Variants in ARHGEF7 observed in about 807,000 individuals in gnomAD.
The protein encoded by ARHGEF7 is PAK-interacting exchange factor beta.
ARHGEF7 carries 33 observed loss-of-function variants against 109.8 expected under a neutral mutation model. The ratio of observed to expected loss-of-function variants is 0.30; its 90% CI spans 0.23 to 0.40. The LOEUF (loss-of-function observed/expected upper bound fraction) is 0.40. Ranked by LOEUF, ARHGEF7 falls within the 10% of genes least tolerant of loss-of-function variation. ARHGEF7 has a pLI of 1.00. For synonymous variants in ARHGEF7, 458 were observed against 424.6 expected (o/e 1.08, Z -0.97); for missense variants, 938 against 1,098.5 (o/e 0.85, Z 2.07).
rs550032489 is a variant in ARHGEF7 at position 111,155,691 on chromosome 13, G to C, written c.252+1700G>C. ...TATATTATCCTCTTGAAACTACTGA[G>C]TTTTGTTTACGTTAACATACTTTTG... On this transcript the variant is annotated intron_variant, in intron 2 of 21. Coordinates refer to ENST00000646102, the MANE Select transcript of ARHGEF7 (RefSeq NM_001354046.2). Among the ~76,000 whole-genome samples the C allele has an allele frequency of 2.6e-5, 4 of 152,250 alleles. No homozygotes were observed. In the South Asian group the frequency reaches 8.3e-4, roughly 32 times the overall value.
chr13:111,211,164 C>G lies in ARHGEF7; in HGVS notation c.468+1162C>G, dbSNP rs959681952. On this transcript the variant is annotated intron_variant, in intron 4 of 21. Transcript: ENST00000646102. The stretch of plus-strand genomic sequence containing the variant: ...AGTGCTGCAGTCCTCACAGCAGCCC[C>G]GAGAGGCCTGGCTGTTGCTGTTTCC... Among the ~76,000 whole-genome samples the G allele has an allele frequency of 2.0e-5, 3 of 152,266 alleles. No homozygotes were observed. In the East Asian group the frequency reaches 5.8e-4, roughly 29 times the overall value.
chr13:111,294,064 T>A, intron 19 of ARHGEF7: 2 of 985,446 alleles, frequency 2.0e-6, no homozygotes, highest in Non-Finnish European at 2.4e-6. Flanking sequence ...TGTATTTTCA[T>A]ACCAATTAGT....
intron 2 of ARHGEF7, among the ~76,000 whole-genome samples, chr13:111,154,667 T>C (rs2076164959): frequency 6.6e-6 from 1 of 152,230 alleles, no homozygotes; most frequent in Admixed American, 6.5e-5. Context: ...TACTAAACAT[T>C]GTCTTTTCAG....
intron 9 of ARHGEF7, among the ~76,000 whole-genome samples, chr13:111,270,736 T>C (rs1595392199): frequency 6.6e-6 from 1 of 152,248 alleles, no homozygotes; most frequent in South Asian, 2.1e-4. Context: ...AAGGTACTTA[T>C]GTGGATTACA....
intron 2 of ARHGEF7, among the ~76,000 whole-genome samples, chr13:111,189,560 G>T (rs1316192475): frequency 1.3e-5 from 2 of 151,934 alleles, no homozygotes; most frequent in Non-Finnish European, 2.9e-5. Context: ...AGGACCCAAA[G>T]AATGAGCAGC....
At position 111,280,671 on chromosome 13, in the gene ARHGEF7, T is replaced by G. The variant is rs755135076; in HGVS notation, c.1719T>G (p.Ser573=). 1.9e-6 allele frequency: 3 copies of G among 1,582,808 alleles called. No individual in the cohort carries two copies. The highest frequency in any genetic ancestry group is 2.6e-6 in the Non-Finnish European group (3 of 1,166,094). The change falls in exon 15 of 22, where the codon TCT becomes TCG. Residue 573 remains serine (S), a synonymous_variant. Transcript: ENST00000646102. ...CCATAAAGCCTCATTCAGTGCCATC[T>G]CATACCGTAAGGACTTGGTGCTTCT... ...NPTIKPHSVP[S]HTLPSHPVTP...
chr13:111,176,940 A>C (rs946256113), intron 2 of ARHGEF7, among the ~76,000 whole-genome samples: 1 of 152,222 alleles, frequency 6.6e-6, no homozygotes, highest in East Asian at 1.9e-4. Context: ...TATTTTTAAT[A>C]GAGACGGGGC....
At chr13:111,220,649 G>GC (rs1194720278) in intron 5 of ARHGEF7, among the ~76,000 whole-genome samples, 1 of 152,122 alleles carries the variant, frequency 6.6e-6, no homozygotes, top group Non-Finnish European at 1.5e-5. Context: ...GGCATCGTGA[G>GC]CCCCCGCTTT....
intron 21 of ARHGEF7, among the ~76,000 whole-genome samples, chr13:111,302,515 A>G (rs1037676939): frequency 6.6e-6 from 1 of 152,126 alleles, no homozygotes. Context: ...CTTTGCCCCT[A>G]CCGGCAGCAG....
chr13:111,270,471 A>G (rs1163108033), intron 9 of ARHGEF7, among the ~76,000 whole-genome samples: 1 of 152,070 alleles, frequency 6.6e-6, no homozygotes, highest in Non-Finnish European at 1.5e-5. Flanking sequence ...ACAAACATTT[A>G]TAAAATTTCA....
intron 12 of ARHGEF7, among the ~76,000 whole-genome samples, 187 bp from the exon 13 acceptor site, chr13:111,277,400 A>G (rs2092551162): frequency 6.6e-6 from 1 of 152,214 alleles, no homozygotes; most frequent in Non-Finnish European, 1.5e-5. Context: ...ATATGTTAAG[A>G]CTTAATACAG....
chr13:111,246,158 G>C (rs937792704), intron 8 of ARHGEF7, among the ~76,000 whole-genome samples: 2 of 152,222 alleles, frequency 1.3e-5, no homozygotes, highest in Non-Finnish European at 2.9e-5. Context: ...AGGTGACTTA[G>C]AACAGTAGTG....
At chr13:111,143,642 CTTGAG>C (rs763384569) in intron 1 of ARHGEF7, 1 of 152,210 alleles carries the variant, frequency 6.6e-6, no homozygotes, top group African/African-American at 2.4e-5. Flanking sequence ...CCAGACTCAA[CTTGAG>C]TTGTCTTATG....
At chr13:111,296,141 T>C (rs953880075) in intron 19 of ARHGEF7, among the ~76,000 whole-genome samples, 4 of 152,024 alleles carry the variant, frequency 2.6e-5, no homozygotes, top group African/African-American at 4.8e-5. Flanking sequence ...TGATCAGCAC[T>C]GTGTTGCTGC....
At chr13:111,157,861 C>T (rs976292534) in intron 2 of ARHGEF7, among the ~76,000 whole-genome samples, 3 of 152,146 alleles carry the variant, frequency 2.0e-5, no homozygotes, top group African/African-American at 7.2e-5. Flanking sequence ...TGTTCCCACC[C>T]TATGCAACAT....
chr13:111,160,238 G>C (rs752728239), intron 2 of ARHGEF7, among the ~76,000 whole-genome samples: 5 of 151,984 alleles, frequency 3.3e-5, no homozygotes, highest in Non-Finnish European at 5.9e-5. Flanking sequence ...GTGCCATGCT[G>C]TTTTGGCTGC....
At chr13:111,289,306 T>G (rs902950411) in intron 18 of ARHGEF7, among the ~76,000 whole-genome samples, 1 of 152,226 alleles carries the variant, frequency 6.6e-6, no homozygotes, top group African/African-American at 2.4e-5. Flanking sequence ...AGTGCTGGGA[T>G]TACAGGCGTG....
intron 2 of ARHGEF7, among the ~76,000 whole-genome samples, chr13:111,159,720 GT>G (rs946845861): frequency 4.0e-5 from 6 of 151,312 alleles, no homozygotes; most frequent in African/African-American, 9.7e-5. Flanking sequence ...TTTTAATCAG[GT>G]TTTTTTTTGT....
At chr13:111,144,198 A>G (rs1477689756) in intron 1 of ARHGEF7, 1 of 152,278 alleles carries the variant, frequency 6.6e-6, no homozygotes, top group African/African-American at 2.4e-5. Flanking sequence ...TAATCTGGCC[A>G]GTTCCATACT....
Sources: allele counts gnomAD v4.1 joint callset (sites outside exome capture counted in the v4.1 genomes callset), GRCh38; gene constraint gnomAD v4.1.1; transcripts MANE v1.5; gene names NCBI Gene and HGNC (gene_info 2026-07-23, HGNC 2026-07-21).